The following ANKRD17 variants were observed in gnomAD, a reference collection of about 807,000 sequenced individuals.
ANKRD17 encodes the protein ankyrin repeat domain 17, also known as ankyrin repeat domain-containing protein 17.
ANKRD17 carries 19 observed loss-of-function variants against 229.7 expected under a neutral mutation model. The observed-to-expected ratio is 0.08, with a 90% CI of 0.06 to 0.12. The LOEUF is 0.12. Among genes scored for constraint, ANKRD17 ranks in the 10% least tolerant of loss-of-function variants. The pLI is 1.00. For synonymous variants in ANKRD17, 1,112 were observed against 1,146.1 expected (o/e 0.97, Z 0.60); for missense variants, 2,176 against 3,176.8 (o/e 0.68, Z 7.57).
intron 1 of ANKRD17, among the ~76,000 whole-genome samples, chr4:73,236,139 T>A (rs868111346): frequency 6.6e-6 from 1 of 152,134 alleles, no homozygotes; most frequent in Non-Finnish European, 1.5e-5. Flanking sequence ...CAATAACTCC[T>A]CAATGGATAA....
At chr4:73,184,528 C>CAAAA (rs776930137) in intron 1 of ANKRD17, among the ~76,000 whole-genome samples, 46 of 29,926 alleles carry the variant, frequency 1.5e-3, no homozygotes, top group African/African-American at 2.7e-3. Context: ...GACTTCCTCT[C>CAAAA]AAAAAAAAAA....
intron 1 of ANKRD17, among the ~76,000 whole-genome samples, chr4:73,202,566 T>G (rs1578376229): frequency 6.6e-6 from 1 of 152,132 alleles, no homozygotes; most frequent in Non-Finnish European, 1.5e-5. Context: ...CATAGGTATT[T>G]AGCAGAAAAT....
intron 3 of ANKRD17, 59 bp from the exon 4 acceptor site, chr4:73,156,225 A>C: frequency 6.6e-7 from 1 of 1,511,842 alleles, no homozygotes; most frequent in African/African-American, 1.4e-5. Flanking sequence ...ATTGCACAGC[A>C]TAAATATTGT....
chr4:73,182,002 C>G (rs896508994), intron 1 of ANKRD17, among the ~76,000 whole-genome samples: 10 of 114,506 alleles, frequency 8.7e-5, no homozygotes, highest in African/African-American at 3.1e-4. Flanking sequence ...GAGCCGAGAT[C>G]GAGCCACTGC....
At chr4:73,254,919 A>G (rs982688588) in intron 1 of ANKRD17, among the ~76,000 whole-genome samples, 4 of 152,214 alleles carry the variant, frequency 2.6e-5, no homozygotes, top group Non-Finnish European at 5.9e-5. Context: ...AATTTAATTA[A>G]TTTTGTCCAC....
intron 1 of ANKRD17, among the ~76,000 whole-genome samples, chr4:73,240,611 C>A (rs971680138): frequency 5.9e-5 from 9 of 151,902 alleles, no homozygotes; most frequent in African/African-American, 2.2e-4. Flanking sequence ...TGCAACAGAG[C>A]AAGACCCTGT....
At chr4:73,170,016 C>T (rs1184183175) in intron 2 of ANKRD17, among the ~76,000 whole-genome samples, 1 of 152,172 alleles carries the variant, frequency 6.6e-6, no homozygotes, top group Non-Finnish European at 1.5e-5. Context: ...ACTGCAATTC[C>T]TAGGCAAGTC....
intron 29 of ANKRD17, among the ~76,000 whole-genome samples, chr4:73,089,045 ATT>A (rs200390909): frequency 1.5e-4 from 22 of 143,568 alleles, no homozygotes; most frequent in Non-Finnish European, 1.8e-4. Flanking sequence ...TTCTTTTTAA[ATT>A]TTTTTTTTTT....
chr4:73,209,922 G>C (rs181490555), intron 1 of ANKRD17, among the ~76,000 whole-genome samples: 3 of 152,000 alleles, frequency 2.0e-5, no homozygotes, highest in Admixed American at 6.5e-5. Context: ...TAGCAAACTA[G>C]GAATAAAAGG....
chr4:73,246,307 T>C (rs1744493639), intron 1 of ANKRD17, among the ~76,000 whole-genome samples: 1 of 152,206 alleles, frequency 6.6e-6, no homozygotes, highest in Admixed American at 6.5e-5. Flanking sequence ...ATGATTATCC[T>C]ATTCCTACTC....
chr4:73,171,838 C>CCT (rs1734082253), intron 2 of ANKRD17, among the ~76,000 whole-genome samples: 2 of 152,022 alleles, frequency 1.3e-5, no homozygotes, highest in South Asian at 4.2e-4. Context: ...AATTAGTGAG[C>CCT]TTGCAGACAG....
chr4:73,188,141 C>A (rs930490862), intron 1 of ANKRD17, among the ~76,000 whole-genome samples: 1 of 151,062 alleles, frequency 6.6e-6, no homozygotes, highest in Non-Finnish European at 1.5e-5. Flanking sequence ...TTGAAAGAAA[C>A]TAAAACTTAG....
chr4:73,164,114 T>C (rs953779377), intron 2 of ANKRD17, among the ~76,000 whole-genome samples: 5 of 152,200 alleles, frequency 3.3e-5, no homozygotes, highest in Admixed American at 3.3e-4. Flanking sequence ...CATCTTTCGG[T>C]TAAATATATG....
intron 11 of ANKRD17, 59 bp from the exon 12 acceptor site, chr4:73,142,826 G>A: frequency 6.5e-7 from 1 of 1,533,540 alleles, no homozygotes; most frequent in South Asian, 1.2e-5. Flanking sequence ...TAAAATTATG[G>A]TAAATTTAAA....
intron 1 of ANKRD17, among the ~76,000 whole-genome samples, chr4:73,186,966 A>ACG (rs1736380974): frequency 1.2e-5 from 1 of 84,790 alleles, no homozygotes; most frequent in African/African-American, 1.0e-4. Context: ...ACACACAGAT[A>ACG]CACACACACA....
intron 3 of ANKRD17, among the ~76,000 whole-genome samples, chr4:73,158,431 C>T (rs1732062204): frequency 6.6e-6 from 1 of 152,230 alleles, no homozygotes; most frequent in South Asian, 2.1e-4. Flanking sequence ...AAGCTCCAAC[C>T]TCCAAATATT....
chr4:73,206,452 G>GAT (rs1739466382), intron 1 of ANKRD17, among the ~76,000 whole-genome samples: 1 of 147,852 alleles, frequency 6.8e-6, no homozygotes, highest in African/African-American at 2.5e-5. Context: ...GAGAGAGAGA[G>GAT]AGATAAAGAG....
In ANKRD17 at chr4:73,077,530, T is replaced by C. The variant is rs1206995210; in HGVS notation, c.7412A>G (p.Lys2471Arg). ...SFEGIGGNQD[K>R]VDWCNPGMGN... is the part of the protein sequence containing the mutation. ...CATCCCAGGGTTACACCAGTCTACT[T>C]TGTCTGAGGGCAAACAAAGAGGCAA... Residue 2471 changes from lysine to arginine, a missense_variant, in exon 32 of 34, where the codon AAA (lysine) becomes AGA (arginine). Transcript: ENST00000358602. 1.3e-6 allele frequency: 2 copies of C among 1,581,440 alleles called. No individual in the cohort carries two copies. Among genetic ancestry groups the C allele is most frequent in the Admixed American group, 1.9e-5 (1 of 53,156 alleles).
intron 1 of ANKRD17, among the ~76,000 whole-genome samples, chr4:73,205,937 A>T (rs140299129): frequency 4.6e-5 from 7 of 152,334 alleles, no homozygotes; most frequent in Non-Finnish European, 8.8e-5. Flanking sequence ...CTGAATAGAC[A>T]TTTCTCCAAA....
Sources: allele counts gnomAD v4.1 joint callset (sites outside exome capture counted in the v4.1 genomes callset), GRCh38; gene constraint gnomAD v4.1.1; transcripts MANE v1.5; gene names NCBI Gene and HGNC (gene_info 2026-07-23, HGNC 2026-07-21).